B3GALT1: variants seen among roughly 807,000 people sequenced by gnomAD.
The protein encoded by B3GALT1 is beta-1,3-galactosyltransferase 1, also known as UDP-Gal:betaGlcNAc beta 1,3-galactosyltransferase, polypeptide 1.
Under a neutral mutation model 23.2 loss-of-function variants are expected in B3GALT1, and 10 were observed. That is an observed-to-expected ratio of 0.43 (90% CI 0.27 to 0.73). The LOEUF is 0.73. B3GALT1 is among the 30% of genes least tolerant of loss of function. The pLI, the probability that B3GALT1 is intolerant of heterozygous loss-of-function variation, is 0.21. For synonymous variants in B3GALT1, 156 were observed against 141.5 expected (o/e 1.10, Z -0.73); for missense variants, 299 against 405.4 (o/e 0.74, Z 2.25).
intron 1 of B3GALT1, among the ~76,000 whole-genome samples, chr2:167,360,011 C>G (rs1168010857): frequency 1.3e-5 from 2 of 152,018 alleles, no homozygotes; most frequent in African/African-American, 4.8e-5. Flanking sequence ...TCTCCATGTA[C>G]CATGTATATC....
intron 4 of B3GALT1, among the ~76,000 whole-genome samples, chr2:167,837,993 A>T (rs1371137363): frequency 3.3e-5 from 5 of 152,052 alleles, no homozygotes; most frequent in Admixed American, 6.5e-5. Flanking sequence ...ACAAAGACAC[A>T]ACATACCAGA....
chr2:167,760,522 C>T (rs558576003), intron 3 of B3GALT1, among the ~76,000 whole-genome samples: 2 of 152,254 alleles, frequency 1.3e-5, no homozygotes, highest in East Asian at 1.9e-4. Flanking sequence ...AGAAACAGTG[C>T]GATGCATTGA....
chr2:167,700,486 G>T (rs1003502492), intron 3 of B3GALT1, among the ~76,000 whole-genome samples: 2 of 152,124 alleles, frequency 1.3e-5, no homozygotes, highest in African/African-American at 4.8e-5. Context: ...TTTGGGAACT[G>T]ATCTGCTTAG....
intron 2 of B3GALT1, among the ~76,000 whole-genome samples, chr2:167,520,448 T>C (rs1574116228): frequency 6.6e-6 from 1 of 152,158 alleles, no homozygotes; most frequent in East Asian, 1.9e-4. Flanking sequence ...AGCATTGTTG[T>C]GGTGGAGAAG....
intron 1 of B3GALT1, among the ~76,000 whole-genome samples, chr2:167,328,627 T>A (rs1029477411): frequency 3.3e-5 from 5 of 152,120 alleles, no homozygotes; most frequent in Non-Finnish European, 4.4e-5. Context: ...AATGGTTTAT[T>A]AATTTTATCT....
At chr2:167,797,571 T>TTGAACTGA (rs1313000535) in intron 3 of B3GALT1, among the ~76,000 whole-genome samples, 1 of 152,246 alleles carries the variant, frequency 6.6e-6, no homozygotes, top group African/African-American at 2.4e-5. Context: ...TCCACAGTGG[T>TTGAACTGA]TGAACTGATT....
chr2:167,340,408 A>T (rs1261020504), intron 1 of B3GALT1, among the ~76,000 whole-genome samples: 1 of 152,048 alleles, frequency 6.6e-6, no homozygotes, highest in Non-Finnish European at 1.5e-5. Flanking sequence ...AAGAACATGC[A>T]GTCTACCCCT....
intron 1 of B3GALT1, among the ~76,000 whole-genome samples, chr2:167,483,291 C>T (rs900549863): frequency 1.3e-5 from 2 of 152,082 alleles, no homozygotes; most frequent in South Asian, 4.1e-4. Context: ...AAAACTCCAT[C>T]TCAAAACAAC....
At chr2:167,755,850 T>G (rs1177480652) in intron 3 of B3GALT1, among the ~76,000 whole-genome samples, 1 of 151,854 alleles carries the variant, frequency 6.6e-6, no homozygotes, top group Non-Finnish European at 1.5e-5. Context: ...TGGCACAATT[T>G]TGTGGTCCCA....
At chr2:167,439,135 A>G (rs558962618) in intron 1 of B3GALT1, among the ~76,000 whole-genome samples, 1 of 152,312 alleles carries the variant, frequency 6.6e-6, no homozygotes, top group Admixed American at 6.5e-5. Context: ...CAAATCTTGT[A>G]CGTCCTAAGT....
At chr2:167,651,295 C>T (rs1026555437) in intron 3 of B3GALT1, among the ~76,000 whole-genome samples, 8 of 147,702 alleles carry the variant, frequency 5.4e-5, no homozygotes, top group East Asian at 2.0e-4. Flanking sequence ...CACATGTGTG[C>T]GTGAGAAAGA....
chr2:167,645,910 G>T (rs113447383), intron 2 of B3GALT1, among the ~76,000 whole-genome samples: 1 of 151,894 alleles, frequency 6.6e-6, no homozygotes, highest in African/African-American at 2.4e-5. Flanking sequence ...GGGTGATTGC[G>T]GTGTTTGTAA....
At chr2:167,310,785 G>A (rs1396943569) in intron 1 of B3GALT1, among the ~76,000 whole-genome samples, 1 of 152,030 alleles carries the variant, frequency 6.6e-6, no homozygotes, top group African/African-American at 2.4e-5. Context: ...AAAAAAAGAA[G>A]CCTGCTGGAA....
chr2:167,866,862 C>T (rs904134568), intron 4 of B3GALT1, among the ~76,000 whole-genome samples: 3 of 152,206 alleles, frequency 2.0e-5, no homozygotes, highest in Non-Finnish European at 4.4e-5. Context: ...TTTCTAGTAC[C>T]ATCTTGGGAC....
chr2:167,620,455 T>G (rs143452298), intron 2 of B3GALT1, among the ~76,000 whole-genome samples: 19 of 152,210 alleles, frequency 1.2e-4, no homozygotes, highest in African/African-American at 4.3e-4. Flanking sequence ...AAATACAAAA[T>G]CATTAGTGGT....
chr2:167,623,506 A>G (rs1685295323), intron 2 of B3GALT1, among the ~76,000 whole-genome samples: 2 of 152,136 alleles, frequency 1.3e-5, no homozygotes, highest in Admixed American at 1.3e-4. Flanking sequence ...AAAAGAACAG[A>G]AAACCAAACA....
chr2:167,794,046 G>C (rs1454363081), intron 3 of B3GALT1, among the ~76,000 whole-genome samples: 1 of 152,158 alleles, frequency 6.6e-6, no homozygotes, highest in Non-Finnish European at 1.5e-5. Flanking sequence ...TATCTTAGTG[G>C]AAGAGCCACA....
At chr2:167,410,936 A>G (rs1313042346) in intron 1 of B3GALT1, among the ~76,000 whole-genome samples, 4 of 152,122 alleles carry the variant, frequency 2.6e-5, no homozygotes, top group African/African-American at 9.7e-5. Flanking sequence ...TAATAGACCT[A>G]ACAGAAAATG....
chr2:167,383,289 C>G (rs1317961218), intron 1 of B3GALT1, among the ~76,000 whole-genome samples: 1 of 151,300 alleles, frequency 6.6e-6, no homozygotes, highest in Non-Finnish European at 1.5e-5. Context: ...TGAGTAACTT[C>G]TAATTGTAAC....
Sources: allele counts gnomAD v4.1 joint callset (sites outside exome capture counted in the v4.1 genomes callset), GRCh38; gene constraint gnomAD v4.1.1; transcripts MANE v1.5; gene names NCBI Gene and HGNC (gene_info 2026-07-23, HGNC 2026-07-21).